LDB2: variants seen among roughly 807,000 people sequenced by gnomAD.
LDB2 encodes LIM domain binding 2, also known as LIM domain-binding protein 2.
LDB2 carries 12 observed loss-of-function variants against 44.3 expected under a neutral mutation model. That is an observed-to-expected ratio of 0.27 (90% CI 0.17 to 0.44). The LOEUF is 0.44. Among genes scored for constraint, LDB2 ranks in the 20% least tolerant of loss-of-function variants. LDB2 has a pLI of 1.00. For missense variants in LDB2, 344 were observed against 473.5 expected (o/e 0.73, Z 2.54); for synonymous variants, 164 against 174.8 (o/e 0.94, Z 0.49).
chr4:16,703,359 G>A (rs9997183), intron 2 of LDB2, among the ~76,000 whole-genome samples: 214 of 152,328 alleles, frequency 1.4e-3, no homozygotes, highest in African/African-American at 4.7e-3. Context: ...GCAAAGATGC[G>A]AAGGCAGGAA....
At chr4:16,758,612 G>C (rs932315000) in intron 2 of LDB2, among the ~76,000 whole-genome samples, 1 of 152,110 alleles carries the variant, frequency 6.6e-6, no homozygotes, top group Non-Finnish European at 1.5e-5. Context: ...GTTATCACTC[G>C]CCTGAAAGAC....
At chr4:16,746,789 T>A (rs1421612384) in intron 2 of LDB2, among the ~76,000 whole-genome samples, 1 of 151,996 alleles carries the variant, frequency 6.6e-6, no homozygotes, top group East Asian at 1.9e-4. Context: ...TCGGTCTCAA[T>A]AAATAAATAA....
chr4:16,637,000 T>G (rs1461099755), intron 2 of LDB2, among the ~76,000 whole-genome samples: 4 of 152,216 alleles, frequency 2.6e-5, no homozygotes, highest in Admixed American at 6.5e-5. Flanking sequence ...CTGCCTTCAT[T>G]GAAATCAGAA....
intron 5 of LDB2, among the ~76,000 whole-genome samples, chr4:16,558,971 G>A (rs374133233): frequency 1.3e-5 from 2 of 152,238 alleles, no homozygotes; most frequent in East Asian, 3.9e-4. Flanking sequence ...AGCTTCATAA[G>A]TAAGTGAAGG....
chr4:16,792,001 A>G (rs1775862889), intron 1 of LDB2, among the ~76,000 whole-genome samples: 1 of 152,200 alleles, frequency 6.6e-6, no homozygotes. Flanking sequence ...ACTTACGTAG[A>G]TAAACTCTCA....
intron 5 of LDB2, among the ~76,000 whole-genome samples, chr4:16,536,569 C>A (rs139732394): frequency 2.6e-5 from 4 of 152,208 alleles, no homozygotes; most frequent in Admixed American, 2.6e-4. Flanking sequence ...ATGTGATGAA[C>A]AGGCATTGTG....
intron 5 of LDB2, among the ~76,000 whole-genome samples, chr4:16,559,142 A>G (rs1408890999): frequency 3.3e-5 from 5 of 152,242 alleles, no homozygotes; most frequent in Non-Finnish European, 5.9e-5. Flanking sequence ...AAGGCTAGGA[A>G]GAAACTGCAT....
chr4:16,705,921 A>G (rs969061196), intron 2 of LDB2, among the ~76,000 whole-genome samples: 1 of 152,230 alleles, frequency 6.6e-6, no homozygotes, highest in African/African-American at 2.4e-5. Context: ...CACAAAATAC[A>G]TATGAGATTA....
intron 2 of LDB2, among the ~76,000 whole-genome samples, chr4:16,723,883 T>C (rs1044987072): frequency 1.3e-5 from 2 of 152,176 alleles, no homozygotes; most frequent in Non-Finnish European, 2.9e-5. Context: ...CTCCTCCTGC[T>C]ACCACCTCTT....
At chr4:16,601,369 T>G (rs547892137) in intron 2 of LDB2, among the ~76,000 whole-genome samples, 1 of 152,250 alleles carries the variant, frequency 6.6e-6, no homozygotes, top group South Asian at 2.1e-4. Context: ...TGAATTACAA[T>G]TTTAGATGCC....
intron 5 of LDB2, among the ~76,000 whole-genome samples, chr4:16,543,235 T>G (rs562369560): frequency 4.0e-5 from 6 of 151,774 alleles, no homozygotes; most frequent in Non-Finnish European, 5.9e-5. Flanking sequence ...ATAAACATAC[T>G]TGTGCATGTG....
intron 1 of LDB2, among the ~76,000 whole-genome samples, chr4:16,894,623 G>A (rs1448096590): frequency 6.6e-6 from 1 of 152,180 alleles, no homozygotes; most frequent in African/African-American, 2.4e-5. Context: ...TGTGGGGGAT[G>A]TGAGATGAAC....
At chr4:16,701,291 C>G (rs1297567304) in intron 2 of LDB2, among the ~76,000 whole-genome samples, 3 of 152,178 alleles carry the variant, frequency 2.0e-5, no homozygotes. Flanking sequence ...TGTTCTTAGT[C>G]TACTGACCAA....
chr4:16,832,185 T>C (rs986435991), intron 1 of LDB2, among the ~76,000 whole-genome samples: 2 of 152,194 alleles, frequency 1.3e-5, no homozygotes, highest in Non-Finnish European at 2.9e-5. Context: ...CTGGGTATTG[T>C]GGAAGGCACT....
rs112973350 is a variant in LDB2, at chr4:16,681,568, T to C, written c.235+77590A>G. 4.6e-3 allele frequency among the ~76,000 whole-genome samples: 693 copies of C among 151,432 alleles called. 7 individuals carry two copies. Among genetic ancestry groups the C allele is most frequent in the African/African-American group, 0.016 (655 of 41,354 alleles). On this transcript the variant is annotated intron_variant, in intron 2 of 7. Transcript: ENST00000304523. ...TTTGTTACATAGCAATAAGAATGAA[T>C]TCAATCATTTTGTTGTAGGATAAGG...
At chr4:16,841,111 C>A (rs1440108616) in intron 1 of LDB2, among the ~76,000 whole-genome samples, 1 of 152,120 alleles carries the variant, frequency 6.6e-6, no homozygotes, top group Non-Finnish European at 1.5e-5. Context: ...CTAACCAAGT[C>A]CCTAAGGAAA....
chr4:16,858,496 A>G (rs1789832892), intron 1 of LDB2, among the ~76,000 whole-genome samples: 1 of 152,198 alleles, frequency 6.6e-6, no homozygotes, highest in Non-Finnish European at 1.5e-5. Context: ...TTTCCCCCAC[A>G]ACAAACTTTT....
chr4:16,742,041 CTTTTTTCTTTCTTTCTTT>C, intron 2 of LDB2, among the ~76,000 whole-genome samples: 1 of 146,392 alleles, frequency 6.8e-6, no homozygotes, highest in African/African-American at 2.5e-5. Context: ...TTCTTTTTTT[CTTTTTTCTTTCTTTCTTT>C]TTTTCTTTTC....
chr4:16,743,614 A>G (rs1763782793), intron 2 of LDB2, among the ~76,000 whole-genome samples: 1 of 150,234 alleles, frequency 6.7e-6, no homozygotes, highest in Admixed American at 6.6e-5. Flanking sequence ...CTGCCTTAAA[A>G]AGACAAGCTG....
Sources: allele counts gnomAD v4.1 joint callset (sites outside exome capture counted in the v4.1 genomes callset), GRCh38; gene constraint gnomAD v4.1.1; transcripts MANE v1.5; gene names NCBI Gene and HGNC (gene_info 2026-07-23, HGNC 2026-07-21).